Variants in CHCHD3 observed in about 807,000 individuals in gnomAD.
CHCHD3 encodes coiled-coil-helix-coiled-coil-helix domain containing 3.
In CHCHD3, 20 loss-of-function variants were observed where a neutral mutation model predicts 38.2. The ratio of observed to expected loss-of-function variants is 0.52; its 90% CI spans 0.37 to 0.76. CHCHD3 has a LOEUF of 0.76. CHCHD3 is among the 30% of genes least tolerant of loss of function. CHCHD3 has a pLI of 0.00. For synonymous variants in CHCHD3, 82 were observed against 100.0 expected, an observed-to-expected ratio of 0.82 and a Z score of 1.07; for missense variants, 245 against 279.2, an observed-to-expected ratio of 0.88 and a Z score of 0.87.
chr7:132,807,301 G>A (rs1346555129), intron 6 of CHCHD3, among the ~76,000 whole-genome samples: 1 of 152,052 alleles, frequency 6.6e-6, no homozygotes, highest in Non-Finnish European at 1.5e-5. Flanking sequence ...CTGCCCCCCA[G>A]GCTGTACTTT....
chr7:132,898,967 C>G (rs1257632701), intron 4 of CHCHD3, among the ~76,000 whole-genome samples: 4 of 152,196 alleles, frequency 2.6e-5, no homozygotes, highest in African/African-American at 9.6e-5. Flanking sequence ...CACACAGCCC[C>G]GGTTCCCGCT....
At chr7:132,873,993 A>C (rs1326715640) in intron 5 of CHCHD3, among the ~76,000 whole-genome samples, 2 of 152,214 alleles carry the variant, frequency 1.3e-5, no homozygotes, top group Admixed American at 1.3e-4. Context: ...AATAAGGTCT[A>C]ACTTGAGACG....
intron 4 of CHCHD3, among the ~76,000 whole-genome samples, chr7:132,889,844 A>T (rs1310941437): frequency 6.6e-6 from 1 of 152,232 alleles, no homozygotes; most frequent in Non-Finnish European, 1.5e-5. Flanking sequence ...ATTCAACTTT[A>T]AAAAAGTAGT....
At chr7:132,812,261 T>A (rs1370765445) in intron 6 of CHCHD3, among the ~76,000 whole-genome samples, 1 of 132,804 alleles carries the variant, frequency 7.5e-6, no homozygotes, top group Non-Finnish European at 1.5e-5. Flanking sequence ...CAGGCTGGAA[T>A]GCAGTGGTGC....
intron 4 of CHCHD3, among the ~76,000 whole-genome samples, chr7:132,897,771 T>C (rs1423867183): frequency 2.0e-5 from 3 of 152,222 alleles, no homozygotes; most frequent in Non-Finnish European, 4.4e-5. Flanking sequence ...TAACTTCAAA[T>C]CCACCTGTAT....
chr7:132,993,065 T>C (rs1395896172), intron 3 of CHCHD3, among the ~76,000 whole-genome samples: 4 of 152,214 alleles, frequency 2.6e-5, no homozygotes, highest in Non-Finnish European at 5.9e-5. Context: ...AAACCCAGGC[T>C]GATCCCATTT....
intron 3 of CHCHD3, among the ~76,000 whole-genome samples, chr7:132,980,248 A>C (rs902205944): frequency 2.0e-5 from 3 of 152,230 alleles, no homozygotes; most frequent in African/African-American, 7.2e-5. Flanking sequence ...AAGGGAAGGC[A>C]GGACTTTATA....
chr7:132,820,166 A>T (rs1007686142), intron 6 of CHCHD3, among the ~76,000 whole-genome samples: 1 of 152,152 alleles, frequency 6.6e-6, no homozygotes, highest in Non-Finnish European at 1.5e-5. Context: ...ACTACTTATC[A>T]CCACAAATCA....
Position 132,838,467 on chromosome 7 carries a change from G to A in CHCHD3, c.456C>T (p.Ser152=), listed in dbSNP as rs377136983. 1.9e-5 allele frequency: 30 copies of A among 1,608,522 alleles called. No individual in the cohort carries two copies. In the Middle Eastern group the frequency reaches 6.6e-4, roughly 36 times the overall value. The change falls in exon 6 of 8, where the codon AGC becomes AGT. Residue 152 remains serine, a splice_region_variant and synonymous_variant. Transcript: ENST00000262570. ...KEQLARLEER[S]SEFYRVTTEQ... Reference sequence around the variant, plus strand: ...CAGTGGTGACTCTGTAGAACTCTGAGCTCTGTGGACAAAGATTGATAGCAA... The same window carrying A: ...CAGTGGTGACTCTGTAGAACTCTGAACTCTGTGGACAAAGATTGATAGCAA...
intron 2 of CHCHD3, among the ~76,000 whole-genome samples, chr7:133,067,155 C>T (rs1372297451): frequency 1.3e-5 from 2 of 152,130 alleles, no homozygotes; most frequent in African/African-American, 2.4e-5. Context: ...TGAGATAAGA[C>T]GTACACAGGA....
intron 4 of CHCHD3, among the ~76,000 whole-genome samples, chr7:132,960,716 G>C (rs1289554558): frequency 6.6e-6 from 1 of 152,174 alleles, no homozygotes; most frequent in Non-Finnish European, 1.5e-5. Flanking sequence ...GGTGGCTCAT[G>C]CCTGTAATCC....
chr7:132,954,167 C>T (rs1210660048), intron 4 of CHCHD3, among the ~76,000 whole-genome samples: 1 of 151,858 alleles, frequency 6.6e-6, no homozygotes, highest in Non-Finnish European at 1.5e-5. Flanking sequence ...GCTTCCAAGG[C>T]ACATGGGGGT....
chr7:132,921,593 C>T (rs78886850), intron 4 of CHCHD3, among the ~76,000 whole-genome samples: 1 of 151,938 alleles, frequency 6.6e-6, no homozygotes, highest in East Asian at 1.9e-4. Flanking sequence ...GAGCTTGAGA[C>T]CTTTATTAAA....
At chr7:132,863,230 TTGATCC>T (rs1808537701) in intron 5 of CHCHD3, among the ~76,000 whole-genome samples, 3 of 152,214 alleles carry the variant, frequency 2.0e-5, no homozygotes, top group Non-Finnish European at 4.4e-5. Context: ...AAATTACTCC[TTGATCC>T]ACAGGCTGTA....
chr7:133,033,312 G>A (rs941740143), intron 2 of CHCHD3, among the ~76,000 whole-genome samples: 9 of 152,100 alleles, frequency 5.9e-5, no homozygotes, highest in African/African-American at 2.2e-4. Flanking sequence ...ATCTCTGATG[G>A]GACATTCAGA....
intron 2 of CHCHD3, among the ~76,000 whole-genome samples, chr7:133,067,156 G>A (rs558291658): frequency 3.3e-5 from 5 of 152,234 alleles, no homozygotes; most frequent in South Asian, 4.1e-4. Context: ...GAGATAAGAC[G>A]TACACAGGAT....
chr7:132,814,175 A>C (rs1314041010), intron 6 of CHCHD3, among the ~76,000 whole-genome samples: 2 of 152,238 alleles, frequency 1.3e-5, no homozygotes, highest in Admixed American at 6.5e-5. Flanking sequence ...ACCAGTATTC[A>C]AACAGGCCAG....
chr7:133,025,068 G>C (rs1737973422), intron 2 of CHCHD3, among the ~76,000 whole-genome samples: 1 of 152,122 alleles, frequency 6.6e-6, no homozygotes, highest in South Asian at 2.1e-4. Flanking sequence ...GTACTACAAA[G>C]AGCAAATCAT....
In CHCHD3 at chr7:132,997,685, A is replaced by AC. The variant is rs1269006570; in HGVS notation, c.252-22400_252-22399insG. ...AAAAAAAAAAAAAAAAAAAAAAAAA[A>AC]AAACAGCAAGAGACCAAATGTGTTC... On this transcript the variant is annotated intron_variant, in intron 3 of 7. Coordinates refer to ENST00000262570, the MANE Select transcript of CHCHD3 (RefSeq NM_017812.4). Among the ~76,000 whole-genome samples, 26 of 145,622 alleles carry AC rather than the reference A, an allele frequency of 1.8e-4. No individual in the cohort carries two copies. The East Asian group carries it at 4.0e-3, about 22-fold the overall frequency.
Sources: allele counts gnomAD v4.1 joint callset (sites outside exome capture counted in the v4.1 genomes callset), GRCh38; gene constraint gnomAD v4.1.1; transcripts MANE v1.5; gene names NCBI Gene and HGNC (gene_info 2026-07-23, HGNC 2026-07-21).